The following PRELID2 variants were observed in gnomAD, a reference collection of about 807,000 sequenced individuals.
The protein encoded by PRELID2 is PRELI domain containing 2.
A neutral mutation model predicts 28.4 loss-of-function variants in PRELID2; 25 were observed. That is an observed-to-expected ratio of 0.88 (90% confidence interval 0.64 to 1.23). The LOEUF (loss-of-function observed/expected upper bound fraction) is 1.23, where lower values mean the gene tolerates loss of function less well. PRELID2 is among the 50% of genes most tolerant of loss of function. The pLI is 0.00. For synonymous variants in PRELID2, 76 were observed against 71.6 expected, an observed-to-expected ratio of 1.06 and a Z score of -0.31; for missense variants, 201 against 214.4, an observed-to-expected ratio of 0.94 and a Z score of 0.39.
At chr5:145,607,318 G>T (rs1295918602) in intron 1 of PRELID2, among the ~76,000 whole-genome samples, 4 of 152,164 alleles carry the variant, frequency 2.6e-5, no homozygotes, top group African/African-American at 9.6e-5. Context: ...TGTTTCTCTA[G>T]TTCCCCTAGG....
At chr5:145,545,302 G>A (rs1244267528) in intron 1 of PRELID2, among the ~76,000 whole-genome samples, 1 of 152,080 alleles carries the variant, frequency 6.6e-6, no homozygotes, top group Non-Finnish European at 1.5e-5. Flanking sequence ...GGATCATCTA[G>A]TCTATTTTCG....
At chr5:145,488,845 T>C (rs11167904) in intron 1 of PRELID2, among the ~76,000 whole-genome samples, 54,394 of 151,910 alleles carry the variant, frequency 0.36, 10,880 homozygotes, top group East Asian at 0.89. Context: ...ACATTTTTTG[T>C]TGTTTTTATT....
chr5:145,610,869 T>C (rs1157160606), intron 1 of PRELID2, among the ~76,000 whole-genome samples: 1 of 151,988 alleles, frequency 6.6e-6, no homozygotes, highest in Non-Finnish European at 1.5e-5. Context: ...AAAATTCTTC[T>C]TTTTGAAATC....
the PRELID2 span, among the ~76,000 whole-genome samples, chr5:145,346,236 T>C: frequency 1.1e-4 from 17 of 152,104 alleles, no homozygotes; most frequent in African/African-American, 3.6e-4. Flanking sequence ...ATAATTCCTC[T>C]AAAGATAAAA....
intron 5 of PRELID2, among the ~76,000 whole-genome samples, chr5:145,769,021 A>G (rs1757946272): frequency 6.6e-6 from 1 of 152,242 alleles, no homozygotes; most frequent in Non-Finnish European, 1.5e-5. Flanking sequence ...CCCAGTCAAT[A>G]GAGTCCTTTC....
intron 3 of PRELID2, 34 bp from the exon 4 acceptor site, chr5:145,818,088 T>C (rs1754499860): frequency 6.2e-7 from 1 of 1,603,312 alleles, no homozygotes; most frequent in African/African-American, 1.3e-5. Context: ...TTTTTCAATT[T>C]AGGAAGAGCA....
chr5:145,513,174 T>C (rs1050382876), intron 1 of PRELID2, among the ~76,000 whole-genome samples: 12 of 151,566 alleles, frequency 7.9e-5, no homozygotes, highest in African/African-American at 2.7e-4. Flanking sequence ...AGAAGGTGAA[T>C]AATAACAAAC....
At chr5:145,280,900 A>C in the PRELID2 span, among the ~76,000 whole-genome samples, 1 of 151,940 alleles carries the variant, frequency 6.6e-6, no homozygotes, top group Admixed American at 6.6e-5. Flanking sequence ...GCAACCCAAA[A>C]CTGGCTTGTG....
intron 1 of PRELID2, among the ~76,000 whole-genome samples, chr5:145,712,228 T>C (rs1415830707): frequency 6.6e-6 from 1 of 152,244 alleles, no homozygotes; most frequent in Non-Finnish European, 1.5e-5. Flanking sequence ...CTTAAATAAA[T>C]GAATTACATT....
At chr5:145,471,497 T>C (rs965774562), downstream of PRELID2, among the ~76,000 whole-genome samples, 1 of 152,130 alleles carries the variant, frequency 6.6e-6, no homozygotes, top group Non-Finnish European at 1.5e-5. Context: ...GGGTTCTAGG[T>C]ACATAAAATA....
At chr5:145,713,369 T>TATATATATATATAC (rs1334656798) in intron 1 of PRELID2, among the ~76,000 whole-genome samples, 54 of 144,646 alleles carry the variant, frequency 3.7e-4, no homozygotes, top group Non-Finnish European at 5.6e-4. Context: ...TATATATATA[T>TATATATATATATAC]ACTTTACATT....
chr5:145,824,103 GATGTGAAA>G (rs895895357), intron 1 of PRELID2, among the ~76,000 whole-genome samples: 3 of 152,028 alleles, frequency 2.0e-5, no homozygotes, highest in African/African-American at 2.4e-5. Flanking sequence ...CCACTACTCA[GATGTGAAA>G]AGAGAGACAC....
intron 1 of PRELID2, among the ~76,000 whole-genome samples, chr5:145,550,969 A>G (rs1349595247): frequency 2.6e-5 from 4 of 152,158 alleles, no homozygotes; most frequent in Non-Finnish European, 2.9e-5. Context: ...TGACTACATA[A>G]CTCTACATTC....
At chr5:145,712,729 T>C (rs1371673213) in intron 1 of PRELID2, among the ~76,000 whole-genome samples, 1 of 152,034 alleles carries the variant, frequency 6.6e-6, no homozygotes, top group Non-Finnish European at 1.5e-5. Flanking sequence ...GGCTCACATG[T>C]TGAAAATATA....
At chr5:145,769,322 A>G (rs1757963489) in intron 5 of PRELID2, among the ~76,000 whole-genome samples, 1 of 152,134 alleles carries the variant, frequency 6.6e-6, no homozygotes, top group African/African-American at 2.4e-5. Context: ...CTAATACCAG[A>G]GCTGTGCTGA....
the PRELID2 span, among the ~76,000 whole-genome samples, chr5:145,287,698 A>C: frequency 6.6e-6 from 1 of 152,194 alleles, no homozygotes; most frequent in Admixed American, 6.5e-5. Context: ...ACCTTACATC[A>C]GTATGGCACT....
chr5:145,321,773 T>TGA, the PRELID2 span, among the ~76,000 whole-genome samples: 1 of 152,220 alleles, frequency 6.6e-6, no homozygotes, highest in Non-Finnish European at 1.5e-5. Context: ...ATCTTTGTGC[T>TGA]GAGAAGTTCT....
At chr5:145,769,844 G>A (rs1757996044) in intron 5 of PRELID2, among the ~76,000 whole-genome samples, 1 of 152,276 alleles carries the variant, frequency 6.6e-6, no homozygotes, top group Non-Finnish European at 1.5e-5. Flanking sequence ...CCTCTTCAGA[G>A]GAAATAGAGG....
At chr5:145,516,922 A>G (rs976357240) in intron 1 of PRELID2, among the ~76,000 whole-genome samples, 1 of 152,212 alleles carries the variant, frequency 6.6e-6, no homozygotes, top group Non-Finnish European at 1.5e-5. Context: ...TGTTGGGAAA[A>G]CTGGCTAGCT....
Sources: gnomAD v4.1 joint callset for allele counts (sites outside exome capture counted in the v4.1 genomes callset) on GRCh38, gnomAD v4.1.1 for gene constraint, MANE v1.5 for transcripts, NCBI Gene and HGNC (gene_info 2026-07-23, HGNC 2026-07-21) for gene names.